LRRTM3: variants seen among roughly 807,000 people sequenced by gnomAD.
LRRTM3 encodes leucine rich repeat transmembrane neuronal 3, also known as leucine-rich repeat transmembrane neuronal protein 3.
In LRRTM3, 24 loss-of-function variants were observed where a neutral mutation model predicts 44.7. The observed-to-expected ratio is 0.54, with a 90% CI of 0.39 to 0.76. The LOEUF (loss-of-function observed/expected upper bound fraction) is 0.76. Among genes scored for constraint, LRRTM3 ranks in the 30% least tolerant of loss-of-function variants. LRRTM3 has a pLI of 0.00. For missense variants in LRRTM3, 587 were observed against 702.2 expected, an observed-to-expected ratio of 0.84 and a Z score of 1.85; for synonymous variants, 277 against 278.7, an observed-to-expected ratio of 0.99 and a Z score of 0.06.
At chr10:66,979,437 T>C (rs1453160206) in intron 2 of LRRTM3, among the ~76,000 whole-genome samples, 1 of 152,162 alleles carries the variant, frequency 6.6e-6, no homozygotes, top group African/African-American at 2.4e-5. Flanking sequence ...AAAGAAAGAA[T>C]GAAAAATTTA....
chr10:66,983,320 G>T (rs953820065), intron 2 of LRRTM3, among the ~76,000 whole-genome samples: 7 of 152,098 alleles, frequency 4.6e-5, no homozygotes, highest in Non-Finnish European at 7.4e-5. Context: ...AGACCCTGGT[G>T]CATTATGCCA....
At chr10:67,000,454 T>C (rs550601402) in intron 2 of LRRTM3, among the ~76,000 whole-genome samples, 49 of 152,300 alleles carry the variant, frequency 3.2e-4, no homozygotes, top group African/African-American at 1.2e-3. Flanking sequence ...ACCTAGTTAG[T>C]TCTATGAGAG....
At chr10:67,010,129 T>C (rs987769137) in intron 2 of LRRTM3, among the ~76,000 whole-genome samples, 1 of 152,212 alleles carries the variant, frequency 6.6e-6, no homozygotes, top group African/African-American at 2.4e-5. Flanking sequence ...TAACTAGTAC[T>C]ATGGCATTAC....
At chr10:66,934,858 G>A (rs552417355) in intron 2 of LRRTM3, among the ~76,000 whole-genome samples, 3 of 152,230 alleles carry the variant, frequency 2.0e-5, no homozygotes, top group Non-Finnish European at 2.9e-5. Context: ...ATGCAGGGTG[G>A]AAAATACATT....
At chr10:66,942,542 CATA>C (rs1200086288) in intron 2 of LRRTM3, among the ~76,000 whole-genome samples, 3 of 145,252 alleles carry the variant, frequency 2.1e-5, no homozygotes, top group African/African-American at 5.3e-5. Flanking sequence ...AAAACATTGC[CATA>C]ATGTCTCTCT....
intron 2 of LRRTM3, among the ~76,000 whole-genome samples, chr10:67,040,019 C>T (rs1397135398): frequency 6.6e-6 from 1 of 152,100 alleles, no homozygotes; most frequent in African/African-American, 2.4e-5. Context: ...ATGTGCTGAT[C>T]ATGAGGAGGG....
chr10:67,068,056 C>T (rs2250623), intron 2 of LRRTM3, among the ~76,000 whole-genome samples: 152,352 of 152,354 alleles, frequency 1, 76,175 homozygotes, highest in Middle Eastern at 1. Flanking sequence ...AAATAAATGC[C>T]GGGTTCATTG....
chr10:67,002,003 C>A (rs562642541), intron 2 of LRRTM3, among the ~76,000 whole-genome samples: 1 of 152,064 alleles, frequency 6.6e-6, no homozygotes, highest in Non-Finnish European at 1.5e-5. Flanking sequence ...TCTTAGAGTC[C>A]GAAGACCTAG....
intron 2 of LRRTM3, among the ~76,000 whole-genome samples, chr10:66,940,072 T>C (rs1383497979): frequency 1.3e-5 from 2 of 152,202 alleles, no homozygotes; most frequent in Non-Finnish European, 2.9e-5. Context: ...AGGTTTTGTG[T>C]TTGTTTTTGC....
chr10:67,034,220 G>T (rs1210438122), intron 2 of LRRTM3, among the ~76,000 whole-genome samples: 7 of 152,100 alleles, frequency 4.6e-5, no homozygotes, highest in Admixed American at 2.0e-4. Flanking sequence ...CAGGGCAACC[G>T]GGATCACTTT....
At chr10:66,980,938 C>A (rs1416706464) in intron 2 of LRRTM3, among the ~76,000 whole-genome samples, 2 of 152,152 alleles carry the variant, frequency 1.3e-5, no homozygotes, top group Non-Finnish European at 2.9e-5. Context: ...CAGAGTTTCA[C>A]TCTTGTTGCC....
chr10:67,082,618 G>A (rs1564879154), intron 2 of LRRTM3, among the ~76,000 whole-genome samples: 1 of 152,066 alleles, frequency 6.6e-6, no homozygotes, highest in Non-Finnish European at 1.5e-5. Context: ...AACTCAGCTG[G>A]CCCGCAGGAG....
chr10:67,035,540 TA>T (rs1454093188), intron 2 of LRRTM3, among the ~76,000 whole-genome samples: 8 of 152,186 alleles, frequency 5.3e-5, no homozygotes, highest in Non-Finnish European at 1.0e-4. Context: ...TGTGAATCAG[TA>T]AATTCTAACT....
At chr10:67,003,400 C>G (rs746719439) in intron 2 of LRRTM3, among the ~76,000 whole-genome samples, 14 of 152,222 alleles carry the variant, frequency 9.2e-5, no homozygotes, top group African/African-American at 1.2e-4. Flanking sequence ...CAATATTTCC[C>G]ATAGTATGTT....
At chr10:67,039,038 G>T (rs987522902) in intron 2 of LRRTM3, among the ~76,000 whole-genome samples, 1 of 152,050 alleles carries the variant, frequency 6.6e-6, no homozygotes, top group Non-Finnish European at 1.5e-5. Flanking sequence ...GAAAGGACTT[G>T]AGGTTGCTAT....
At chr10:67,092,566 C>T (rs538767831) in intron 2 of LRRTM3, among the ~76,000 whole-genome samples, 1 of 151,656 alleles carries the variant, frequency 6.6e-6, no homozygotes, top group Non-Finnish European at 1.5e-5. Context: ...TACAAATATA[C>T]CTAGATATTA....
intron 2 of LRRTM3, among the ~76,000 whole-genome samples, chr10:66,990,436 A>C (rs1339822168): frequency 1.3e-5 from 2 of 152,220 alleles, no homozygotes; most frequent in Non-Finnish European, 2.9e-5. Context: ...CATATTTTGC[A>C]TATGGAATTT....
At chr10:67,004,965 T>C (rs1851887009) in intron 2 of LRRTM3, among the ~76,000 whole-genome samples, 1 of 152,146 alleles carries the variant, frequency 6.6e-6, no homozygotes, top group African/African-American at 2.4e-5. Flanking sequence ...AAGGACAAAA[T>C]TAGTAAGACT....
At chr10:66,935,855 T>A (rs905972263) in intron 2 of LRRTM3, among the ~76,000 whole-genome samples, 2 of 149,896 alleles carry the variant, frequency 1.3e-5, no homozygotes, top group South Asian at 4.1e-4. Flanking sequence ...TCATTAATCC[T>A]ATACATTTTC....
Sources: gnomAD v4.1 joint callset for allele counts (sites outside exome capture counted in the v4.1 genomes callset) on GRCh38, gnomAD v4.1.1 for gene constraint, MANE v1.5 for transcripts, NCBI Gene and HGNC (gene_info 2026-07-23, HGNC 2026-07-21) for gene names.